TOP6BL: variants seen among roughly 807,000 people sequenced by gnomAD.
The protein encoded by TOP6BL is TOP6B like initiator of meiotic double strand breaks, also known as type 2 DNA topoisomerase 6 subunit B-like.
At chr11:66,755,135 T>TA in the TOP6BL span, among the ~76,000 whole-genome samples, 1 of 151,792 alleles carries the variant, frequency 6.6e-6, no homozygotes, top group Non-Finnish European at 1.5e-5. Context: ...TTTTTTTTTT[T>TA]TTGATATAGA....
At chr11:66,805,809 G>C in the TOP6BL span, among the ~76,000 whole-genome samples, 1 of 152,082 alleles carries the variant, frequency 6.6e-6, no homozygotes, top group Non-Finnish European at 1.5e-5. Flanking sequence ...TGGTGGTAGT[G>C]ACTGCACAAC....
the TOP6BL span, among the ~76,000 whole-genome samples, chr11:66,778,670 T>G: frequency 7.2e-5 from 11 of 152,158 alleles, no homozygotes; most frequent in East Asian, 1.2e-3. Context: ...TACTTTAAAG[T>G]TCATATGGAA....
chr11:66,791,346 A>T, the TOP6BL span, among the ~76,000 whole-genome samples: 1 of 152,224 alleles, frequency 6.6e-6, no homozygotes, highest in Non-Finnish European at 1.5e-5. Context: ...ATCTGATTTT[A>T]TAAGATCTTC....
chr11:66,807,309 C>G, the TOP6BL span, among the ~76,000 whole-genome samples: 7 of 152,106 alleles, frequency 4.6e-5, no homozygotes, highest in Non-Finnish European at 7.4e-5. Flanking sequence ...TGGTGGCTCA[C>G]GCCTGTAATC....
At chr11:66,789,176 C>T in the TOP6BL span, among the ~76,000 whole-genome samples, 280 of 152,304 alleles carry the variant, frequency 1.8e-3, 1 homozygote, top group African/African-American at 6.5e-3. Flanking sequence ...ACCACTGAAA[C>T]AAGCCCTTAT....
At chr11:66,798,944 C>T in the TOP6BL span, among the ~76,000 whole-genome samples, 6 of 151,768 alleles carry the variant, frequency 4.0e-5, no homozygotes, top group Admixed American at 6.6e-5. Flanking sequence ...CAGTGGCTCA[C>T]GCCTGTAATC....
At chr11:66,751,655 A>G in the TOP6BL span, among the ~76,000 whole-genome samples, 1 of 151,760 alleles carries the variant, frequency 6.6e-6, no homozygotes, top group Non-Finnish European at 1.5e-5. Flanking sequence ...TTATATCTTA[A>G]TTTTCCTTTT....
At chr11:66,838,102 G>A in the TOP6BL span, among the ~76,000 whole-genome samples, 6 of 152,184 alleles carry the variant, frequency 3.9e-5, no homozygotes, top group Admixed American at 1.3e-4. Flanking sequence ...TGCAGAGCCC[G>A]AGGAATGGGC....
At chr11:66,816,508 A>G in the TOP6BL span, among the ~76,000 whole-genome samples, 1 of 151,976 alleles carries the variant, frequency 6.6e-6, no homozygotes, top group Non-Finnish European at 1.5e-5. Flanking sequence ...TAAAATGCTT[A>G]CTCCCCAGAG....
the TOP6BL span, among the ~76,000 whole-genome samples, chr11:66,823,348 T>C: frequency 2.0e-5 from 3 of 151,996 alleles, no homozygotes; most frequent in African/African-American, 7.2e-5. Context: ...ACTGCTTATC[T>C]TTGTAAAATG....
At chr11:66,774,463 T>C in the TOP6BL span, among the ~76,000 whole-genome samples, 1 of 152,080 alleles carries the variant, frequency 6.6e-6, no homozygotes, top group Non-Finnish European at 1.5e-5. Context: ...TTTGTTTTGT[T>C]TTGTGCTTTT....
At chr11:66,807,597 ATCAT>A in the TOP6BL span, among the ~76,000 whole-genome samples, 1 of 152,140 alleles carries the variant, frequency 6.6e-6, no homozygotes, top group South Asian at 2.1e-4. Context: ...AAACAAAAAA[ATCAT>A]AAAAGCATCA....
the TOP6BL span, among the ~76,000 whole-genome samples, chr11:66,819,913 A>C: frequency 6.6e-6 from 1 of 151,298 alleles, no homozygotes; most frequent in Admixed American, 6.6e-5. Flanking sequence ...TTAAAAAAAA[A>C]AAAAAAAAAA....
chr11:66,773,797 A>G, the TOP6BL span, among the ~76,000 whole-genome samples: 33 of 151,782 alleles, frequency 2.2e-4, no homozygotes, highest in African/African-American at 7.7e-4. Context: ...AGTGCAGTGG[A>G]GTGATCTCAG....
At chr11:66,799,255 G>A in the TOP6BL span, among the ~76,000 whole-genome samples, 35 of 151,096 alleles carry the variant, frequency 2.3e-4, no homozygotes, top group Admixed American at 8.6e-4. Context: ...GCATGGTGGC[G>A]CGTGCCTGTA....
At chr11:66,830,773 A>T in the TOP6BL span, among the ~76,000 whole-genome samples, 1 of 152,250 alleles carries the variant, frequency 6.6e-6, no homozygotes, top group Non-Finnish European at 1.5e-5. Flanking sequence ...AACTTAGATG[A>T]AATGGACAAA....
the TOP6BL span, among the ~76,000 whole-genome samples, chr11:66,749,760 G>A: frequency 3.9e-5 from 6 of 151,964 alleles, no homozygotes; most frequent in Admixed American, 3.9e-4. Flanking sequence ...TAATAGAGAT[G>A]GAGGTTTCAC....
At chr11:66,748,471 A>G in the TOP6BL span, 2 of 1,549,184 alleles carry the variant, frequency 1.3e-6, no homozygotes, top group Non-Finnish European at 1.7e-6. Flanking sequence ...CCATAGAAGG[A>G]TTAAATTCTA....
the TOP6BL span, among the ~76,000 whole-genome samples, chr11:66,797,144 T>A: frequency 1.3e-5 from 2 of 151,708 alleles, no homozygotes; most frequent in African/African-American, 2.4e-5. Context: ...GGATTACAGG[T>A]GTGCACCACC....
Sources: gnomAD v4.1 joint callset for allele counts (sites outside exome capture counted in the v4.1 genomes callset) on GRCh38, gnomAD v4.1.1 for gene constraint, MANE v1.5 for transcripts, NCBI Gene and HGNC (gene_info 2026-07-23, HGNC 2026-07-21) for gene names.